The following RBFOX3 variants were observed in gnomAD, a reference collection of about 807,000 sequenced individuals.
RBFOX3 encodes the protein RNA binding fox-1 homolog 3.
In RBFOX3, 17 loss-of-function variants were observed where a neutral mutation model predicts 48.7. The observed-to-expected ratio is 0.35, with a 90% CI of 0.24 to 0.52. The LOEUF is 0.52. RBFOX3 is among the 20% of genes least tolerant of loss of function. The pLI, the probability that RBFOX3 is intolerant of heterozygous loss-of-function variation, is 0.94. For missense variants in RBFOX3, 382 were observed against 497.5 expected (o/e 0.77, Z 2.21); for synonymous variants, 212 against 209.5 (o/e 1.01, Z -0.10).
intron 2 of RBFOX3, among the ~76,000 whole-genome samples, chr17:79,430,082 A>G (rs563078417): frequency 5.1e-4 from 77 of 152,226 alleles, no homozygotes; most frequent in South Asian, 2.1e-3. Flanking sequence ...GCACCAACCC[A>G]GCTCTAGGAT....
In RBFOX3 at chr17:79,265,353, C is replaced by T. The variant is rs73999939; in HGVS notation, c.-73-29548G>A. ...GAGCAGCTGGCCTCCGGGGCTCCCA[C>T]AGCCTCCCGCTTAACGAGGGTTTCA... is the stretch of plus-strand genomic sequence containing the variant. On this transcript the variant is annotated intron_variant, in intron 3 of 14. Coordinates refer to ENST00000693108, the MANE Select transcript of RBFOX3 (RefSeq NM_001350451.2). Among the ~76,000 whole-genome samples the T allele has an allele frequency of 5.2e-3, 786 of 152,354 alleles. 4 individuals carry two copies. Among genetic ancestry groups the T allele is most frequent in the African/African-American group, 0.018 (728 of 41,584 alleles).
At chr17:79,197,532 G>T (rs2055888520) in intron 4 of RBFOX3, among the ~76,000 whole-genome samples, 2 of 147,186 alleles carry the variant, frequency 1.4e-5, no homozygotes, top group African/African-American at 5.1e-5. Flanking sequence ...GGGATTACAG[G>T]CATGTGCCAC....
chr17:79,439,225 A>G (rs2070284347), intron 2 of RBFOX3, among the ~76,000 whole-genome samples: 1 of 152,200 alleles, frequency 6.6e-6, no homozygotes, highest in Admixed American at 6.5e-5. Context: ...TGGGGGCTTT[A>G]TGGAGGGGAA....
chr17:79,146,899 G>C (rs1461249944), intron 4 of RBFOX3, among the ~76,000 whole-genome samples: 13 of 152,218 alleles, frequency 8.5e-5, no homozygotes. Context: ...CCCTGGGCAG[G>C]GTGTCTGGCA....
chr17:79,398,564 G>A (rs568660036), intron 2 of RBFOX3, among the ~76,000 whole-genome samples: 3 of 152,162 alleles, frequency 2.0e-5, no homozygotes, highest in South Asian at 4.1e-4. Flanking sequence ...GTAACTGAGG[G>A]AGGGGCTTCT....
chr17:79,399,367 C>T (rs888894742), intron 2 of RBFOX3, among the ~76,000 whole-genome samples: 1 of 152,242 alleles, frequency 6.6e-6, no homozygotes, highest in African/African-American at 2.4e-5. Context: ...GGTAAATCAG[C>T]AGTTTTGCTT....
chr17:79,150,619 G>A (rs568151540), intron 4 of RBFOX3, among the ~76,000 whole-genome samples: 7 of 152,108 alleles, frequency 4.6e-5, no homozygotes, highest in Admixed American at 1.3e-4. Context: ...CTGAAGTAGG[G>A]GATACCTGAC....
chr17:79,325,119 C>T (rs1047365048), intron 2 of RBFOX3, among the ~76,000 whole-genome samples: 4 of 152,234 alleles, frequency 2.6e-5, no homozygotes, highest in African/African-American at 9.6e-5. Context: ...GCAACACCAC[C>T]CCTGTGCCCA....
chr17:79,494,540 C>T (rs1302591906), intron 1 of RBFOX3, among the ~76,000 whole-genome samples: 5 of 152,230 alleles, frequency 3.3e-5, no homozygotes, highest in African/African-American at 9.7e-5. Flanking sequence ...CAATACACTG[C>T]AGAGAAGACA....
chr17:79,112,911 G>GGA (rs1599483912), intron 5 of RBFOX3, among the ~76,000 whole-genome samples: 2 of 136,476 alleles, frequency 1.5e-5, no homozygotes, highest in African/African-American at 5.6e-5. Flanking sequence ...TCTCGGGGGG[G>GGA]GGGTGGGCTG....
rs1398840375 is a variant in RBFOX3, at chr17:79,214,699, C to T, written c.-34+21067G>A. On this transcript the variant is annotated intron_variant, in intron 4 of 14. Coordinates refer to ENST00000693108, the MANE Select transcript of RBFOX3 (RefSeq NM_001350451.2). The surrounding 1 kb of genome is among the most constrained non-coding windows in gnomAD (Gnocchi z 4.7). Reference sequence around the variant, plus strand: ...CTGGGAGGGTGGCCATCTGGGAAGCCCAGGAGGGGAGGCTGGAGGCCCAGG... The same window carrying T: ...CTGGGAGGGTGGCCATCTGGGAAGCTCAGGAGGGGAGGCTGGAGGCCCAGG... 6.6e-6 allele frequency among the ~76,000 whole-genome samples: 1 copy of T among 151,808 alleles called. No individual in the cohort carries two copies. The highest frequency in any genetic ancestry group is 6.6e-5 in the Admixed American group (1 of 15,262).
At chr17:79,426,863 C>A (rs782809638) in intron 2 of RBFOX3, among the ~76,000 whole-genome samples, 1 of 151,826 alleles carries the variant, frequency 6.6e-6, no homozygotes, top group Non-Finnish European at 1.5e-5. Flanking sequence ...CACCACCATG[C>A]CCGGGTAATT....
chr17:79,250,197 G>T (rs1282784911), intron 3 of RBFOX3, among the ~76,000 whole-genome samples: 1 of 152,196 alleles, frequency 6.6e-6, no homozygotes, highest in East Asian at 1.9e-4. Context: ...GGCCTCAGAA[G>T]TGAAATGTGA....
At chr17:79,389,255 T>C (rs934820780) in intron 2 of RBFOX3, among the ~76,000 whole-genome samples, 19 of 152,168 alleles carry the variant, frequency 1.2e-4, no homozygotes, top group Non-Finnish European at 2.8e-4. Flanking sequence ...GAGTTGGTGG[T>C]TATGTGACAT....
At chr17:79,437,932 T>G (rs56353475) in intron 2 of RBFOX3, among the ~76,000 whole-genome samples, 52,626 of 151,828 alleles carry the variant, frequency 0.35, 9,279 homozygotes, top group Middle Eastern at 0.4. Context: ...GCACACGCAT[T>G]CACACACAGA....
At chr17:79,289,345 C>A (rs9897410) in intron 3 of RBFOX3, among the ~76,000 whole-genome samples, 73,082 of 152,134 alleles carry the variant, frequency 0.48, 17,999 homozygotes, top group East Asian at 0.62. Flanking sequence ...CTGCCCCGGC[C>A]CTTAGTGTCG....
chr17:79,216,765 C>G (rs539475536), intron 4 of RBFOX3, among the ~76,000 whole-genome samples: 1 of 152,314 alleles, frequency 6.6e-6, no homozygotes, highest in African/African-American at 2.4e-5. Flanking sequence ...CCAACCTGAT[C>G]TCACTTTACA....
At chr17:79,096,502 C>G (rs1599390625) in intron 12 of RBFOX3, 151 bp downstream of exon 12, 2 of 675,568 alleles carry the variant, frequency 3.0e-6, no homozygotes, top group South Asian at 1.8e-5. Context: ...ATGCCATACT[C>G]TGGGCAGACG....
At chr17:79,596,156 T>C (rs944693848) in intron 1 of RBFOX3, among the ~76,000 whole-genome samples, 1 of 152,196 alleles carries the variant, frequency 6.6e-6, no homozygotes, top group African/African-American at 2.4e-5. Flanking sequence ...TCAGAGGCAG[T>C]CTGCTCTATT....
Sources: gnomAD v4.1 joint callset for allele counts (sites outside exome capture counted in the v4.1 genomes callset) on GRCh38, gnomAD v4.1.1 for gene constraint, Gnocchi (gnomAD v3.1) non-coding constraint, MANE v1.5 for transcripts, NCBI Gene and HGNC (gene_info 2026-07-23, HGNC 2026-07-21) for gene names.